AP2A2: variants seen among roughly 807,000 people sequenced by gnomAD.
AP2A2 encodes AP-2 complex subunit alpha-2.
A neutral mutation model predicts 104.2 loss-of-function variants in AP2A2; 32 were observed. That is an observed-to-expected ratio of 0.31 (90% CI 0.23 to 0.41). AP2A2 has a LOEUF of 0.41. Among genes scored for constraint, AP2A2 ranks in the 10% least tolerant of loss-of-function variants. The pLI is 1.00. For synonymous variants in AP2A2, 539 were observed against 533.3 expected (o/e 1.01, Z -0.15); for missense variants, 912 against 1,261.0 (o/e 0.72, Z 4.19).
At chr11:1,009,971 C>T (rs1856365454) in intron 21 of AP2A2, 154 bp downstream of exon 21, 3 of 945,698 alleles carry the variant, frequency 3.2e-6, no homozygotes, top group South Asian at 3.4e-5. Flanking sequence ...GCCTCCCAGC[C>T]TCCCCGCAGC....
At chr11:1,000,635 G>A in intron 15 of AP2A2, 37 bp downstream of exon 15, 1 of 1,522,094 alleles carries the variant, frequency 6.6e-7, no homozygotes, top group South Asian at 1.2e-5. Context: ...ACAGGCACGG[G>A]GCTGCCGTGC....
intron 6 of AP2A2, among the ~76,000 whole-genome samples, chr11:983,492 C>T (rs1054882841): frequency 6.6e-6 from 1 of 152,102 alleles, no homozygotes; most frequent in Non-Finnish European, 1.5e-5. Flanking sequence ...ACGCCATTCT[C>T]CTGCCTCAGC....
In AP2A2 at chr11:992,691, G is replaced by T. The variant is rs10902263; in HGVS notation, c.1452+6G>T. 969,785 of 1,613,196 alleles carry T rather than the reference G, an allele frequency of 0.6. 298,854 individuals carry two copies. The highest frequency in any genetic ancestry group is 0.71 in the Admixed American group (42,535 of 59,976). ...CGGCCAAGACTGTGTTCGAGGTATG[G>T]CCCGCAGGATGGCAGGAAGGATGGG... is the stretch of plus-strand genomic sequence containing the variant. On this transcript the variant is annotated splice_donor_region_variant and intron_variant, in intron 11 of 21. Coordinates refer to ENST00000448903, the MANE Select transcript of AP2A2 (RefSeq NM_012305.4). This position sits in a 1 kb window ranked among gnomAD's most constrained non-coding sequence, Gnocchi z 6.4.
intron 1 of AP2A2, among the ~76,000 whole-genome samples, chr11:956,036 T>C (rs1462198621): frequency 6.6e-6 from 1 of 152,172 alleles, no homozygotes; most frequent in Admixed American, 6.5e-5. Flanking sequence ...AGCTTTATTA[T>C]TGCTTTAAAA....
intron 1 of AP2A2, among the ~76,000 whole-genome samples, chr11:947,574 T>A (rs915466015): frequency 2.0e-4 from 30 of 151,886 alleles, no homozygotes. Flanking sequence ...GGTGGGCGGA[T>A]CACTTGAGGT....
At chr11:985,381 G>C in intron 7 of AP2A2, 54 bp from the exon 8 acceptor site, 2 of 1,578,470 alleles carry the variant, frequency 1.3e-6, no homozygotes, top group South Asian at 1.1e-5. Context: ...GGAGGGGCAG[G>C]GTGGGCTGCG....
intron 1 of AP2A2, among the ~76,000 whole-genome samples, chr11:958,620 C>T (rs571153217): frequency 3.9e-5 from 6 of 152,196 alleles, no homozygotes; most frequent in Admixed American, 3.9e-4. Context: ...TGGACAGAAG[C>T]TAGCCTTTGG....
chr11:937,767 G>A (rs935170126), intron 1 of AP2A2, among the ~76,000 whole-genome samples: 1 of 152,254 alleles, frequency 6.6e-6, no homozygotes, highest in African/African-American at 2.4e-5. Flanking sequence ...TCTACTGAGT[G>A]CGTGTTGCTT....
chr11:971,843 C>G (rs565076048), intron 3 of AP2A2, among the ~76,000 whole-genome samples: 210 of 152,296 alleles, frequency 1.4e-3, no homozygotes, highest in Non-Finnish European at 2.2e-3. Context: ...CACAGGAACG[C>G]TGCGCCATGA....
At chr11:944,295 C>CA (rs1853759070) in intron 1 of AP2A2, among the ~76,000 whole-genome samples, 1 of 152,114 alleles carries the variant, frequency 6.6e-6, no homozygotes, top group African/African-American at 2.4e-5. Flanking sequence ...TATGAGCACT[C>CA]AGAGATGTGG....
intron 14 of AP2A2, 85 bp downstream of exon 14, chr11:994,330 G>A: frequency 2.0e-6 from 3 of 1,537,154 alleles, no homozygotes; most frequent in East Asian, 2.3e-5. Context: ...GCCTGTCAGG[G>A]AGGAGCATGT....
At chr11:939,710 G>C (rs1189435574) in intron 1 of AP2A2, among the ~76,000 whole-genome samples, 1 of 152,090 alleles carries the variant, frequency 6.6e-6, no homozygotes. Flanking sequence ...CTCCCAAAGT[G>C]CTGGGATTAC....
At chr11:943,150 C>G (rs1853711562) in intron 1 of AP2A2, 1 of 152,200 alleles carries the variant, frequency 6.6e-6, no homozygotes, top group Non-Finnish European at 1.5e-5. Context: ...GACAAAACCC[C>G]TCAGACACCG....
intron 18 of AP2A2, chr11:1,008,467 C>T (rs1856286641): frequency 3.6e-6 from 1 of 276,364 alleles, no homozygotes; most frequent in African/African-American, 2.2e-5. Context: ...CAGACGACAG[C>T]TGTGGGGTGC....
chr11:959,115 G>A (rs1031882262), intron 1 of AP2A2, among the ~76,000 whole-genome samples: 1 of 152,250 alleles, frequency 6.6e-6, no homozygotes, highest in Non-Finnish European at 1.5e-5. Context: ...TGAGTTCTGA[G>A]CTTGGTAAAG....
intron 2 of AP2A2, among the ~76,000 whole-genome samples, chr11:966,836 A>G (rs1388070101): frequency 6.6e-6 from 1 of 151,736 alleles, no homozygotes; most frequent in Non-Finnish European, 1.5e-5. Flanking sequence ...TTCCTGACTC[A>G]CTCTCCAGTT....
rs1855388737 is a variant in AP2A2, at chr11:984,688, A to G, written c.749A>G (p.Tyr250Cys). The change falls in exon 7 of 22, where the codon TAT (tyrosine) becomes TGT (cysteine). Residue 250 changes from tyrosine (Y) to cysteine (C), a missense_variant. Tyr to Cys is a radical substitution (Grantham distance 194, BLOSUM62 -2). This residue lies in a region of AP2A2 where 350 missense variants were observed against 487.0 expected (regional missense o/e 0.72). Coordinates refer to ENST00000448903, the MANE Select transcript of AP2A2 (RefSeq NM_012305.4). Reference sequence around the variant, plus strand: ...ACAGATCTCCAGGATTACACTTACTATTTTGTCCCGGCTCCCTGGCTGTCT... The same window carrying G: ...ACAGATCTCCAGGATTACACTTACTGTTTTGTCCCGGCTCCCTGGCTGTCT... The part of the protein sequence containing the change: ...ASTDLQDYTY[Y>C]FVPAPWLSVK... 6.2e-7 allele frequency: 1 copy of G among 1,613,578 alleles called. No homozygotes were observed. Among genetic ancestry groups the G allele is most frequent in the Non-Finnish European group, 8.5e-7 (1 of 1,179,794 alleles).
intron 14 of AP2A2, chr11:995,488 G>A (rs376457677): frequency 2.4e-4 from 109 of 454,264 alleles, no homozygotes; most frequent in African/African-American, 2.0e-3. Flanking sequence ...CGCAGGTCCA[G>A]TGGTGGCAAC....
intron 1 of AP2A2, among the ~76,000 whole-genome samples, chr11:935,959 T>C (rs1274029974): frequency 6.7e-6 from 1 of 150,008 alleles, no homozygotes; most frequent in Non-Finnish European, 1.5e-5. Context: ...TGGAGTGCAA[T>C]GGCACTATCT....
Sources: gnomAD v4.1 joint callset for allele counts (sites outside exome capture counted in the v4.1 genomes callset) on GRCh38, gnomAD v4.1.1 for gene constraint, gnomAD v4.1.1 regional missense constraint, Gnocchi (gnomAD v3.1) non-coding constraint, MANE v1.5 for transcripts, NCBI Gene and HGNC (gene_info 2026-07-23, HGNC 2026-07-21) for gene names.